Variants in NCKAP5 observed in about 807,000 individuals in gnomAD.
NCKAP5 encodes nck-associated protein 5.
A neutral mutation model predicts 167.0 loss-of-function variants in NCKAP5; 92 were observed. The observed-to-expected ratio is 0.55, with a 90% CI of 0.47 to 0.66. The LOEUF is 0.66. NCKAP5 is among the 30% of genes least tolerant of loss of function. NCKAP5 has a pLI of 0.00. For synonymous variants in NCKAP5, 891 were observed against 877.4 expected (o/e 1.02, Z -0.27); for missense variants, 2,378 against 2,315.0 (o/e 1.03, Z -0.56).
intron 2 of NCKAP5, chr2:133,554,573 T>C (rs1306007079): frequency 6.6e-6 from 1 of 152,138 alleles, no homozygotes; most frequent in Non-Finnish European, 1.5e-5. Context: ...ACTTATACAA[T>C]ATATTTCTCA....
chr2:132,857,935 T>C (rs1387802901), intron 11 of NCKAP5, among the ~76,000 whole-genome samples: 2 of 152,220 alleles, frequency 1.3e-5, no homozygotes, highest in Non-Finnish European at 2.9e-5. Context: ...TCTTATTCTG[T>C]ATTTTTAAGG....
chr2:133,547,804 T>C (rs1346424741), intron 2 of NCKAP5, among the ~76,000 whole-genome samples: 1 of 147,864 alleles, frequency 6.8e-6, no homozygotes, highest in African/African-American at 2.5e-5. Context: ...AACTGGAAAC[T>C]CTAAAACGCA....
intron 3 of NCKAP5, among the ~76,000 whole-genome samples, chr2:133,432,950 T>C (rs925841157): frequency 6.6e-6 from 1 of 152,206 alleles, no homozygotes; most frequent in African/African-American, 2.4e-5. Context: ...GATCTCTCCA[T>C]ATGTTAGATT....
intron 11 of NCKAP5, among the ~76,000 whole-genome samples, chr2:132,853,953 C>G (rs1303684824): frequency 6.6e-6 from 1 of 152,204 alleles, no homozygotes; most frequent in East Asian, 1.9e-4. Context: ...CTGCTCTTCC[C>G]TCCCTTGGAG....
intron 19 of NCKAP5, among the ~76,000 whole-genome samples, chr2:132,675,729 T>G (rs1684355428): frequency 6.6e-6 from 1 of 152,046 alleles, no homozygotes; most frequent in Admixed American, 6.5e-5. Flanking sequence ...AAACACTCAC[T>G]GTCATCAGGT....
upstream of NCKAP5, among the ~76,000 whole-genome samples, chr2:133,571,257 C>T (rs991663461): frequency 1.5e-4 from 23 of 152,000 alleles, no homozygotes; most frequent in African/African-American, 5.6e-4. Flanking sequence ...CTGTTTAATG[C>T]ACTTTTGGAG....
intron 16 of NCKAP5, among the ~76,000 whole-genome samples, chr2:132,768,759 C>A (rs1681751716): frequency 6.6e-6 from 1 of 151,218 alleles, no homozygotes; most frequent in Non-Finnish European, 1.5e-5. Context: ...CCTGCCTCAG[C>A]CTCCCGAGTA....
At chr2:133,537,348 T>C (rs1685841240) in intron 2 of NCKAP5, among the ~76,000 whole-genome samples, 1 of 152,076 alleles carries the variant, frequency 6.6e-6, no homozygotes, top group African/African-American at 2.4e-5. Flanking sequence ...TGCAAAAAAA[T>C]CCAACTGGGA....
intron 6 of NCKAP5, among the ~76,000 whole-genome samples, chr2:133,124,789 T>C (rs1433739140): frequency 6.6e-6 from 1 of 152,234 alleles, no homozygotes; most frequent in African/African-American, 2.4e-5. Flanking sequence ...CCTGGCATGG[T>C]GGTTCACCAG....
intron 8 of NCKAP5, among the ~76,000 whole-genome samples, chr2:132,884,114 C>T (rs1246583551): frequency 1.3e-5 from 2 of 152,206 alleles, no homozygotes; most frequent in African/African-American, 4.8e-5. Context: ...GACCTTGTTG[C>T]TCTGGGGCTG....
intron 6 of NCKAP5, among the ~76,000 whole-genome samples, chr2:133,079,509 T>C (rs985003644): frequency 6.6e-6 from 1 of 152,184 alleles, no homozygotes; most frequent in Non-Finnish European, 1.5e-5. Flanking sequence ...TTTTGCCCAG[T>C]AGAAAGTAAT....
Position 133,499,653 on chromosome 2 carries a change from G to A in NCKAP5, c.69+17805C>T, listed in dbSNP as rs150746550. Among the ~76,000 whole-genome samples, 829 of 152,180 alleles carry A rather than the reference G, an allele frequency of 5.4e-3. 19 individuals are homozygous for A. Among genetic ancestry groups the A allele is most frequent in the Admixed American group, 0.044 (666 of 15,282 alleles). On this transcript the variant is annotated intron_variant, in intron 3 of 19. Coordinates refer to ENST00000409261, the MANE Select transcript of NCKAP5 (RefSeq NM_207363.3). ...TGGCTCACTGCAACCTCAGCCTCCC[G>A]GGTTCAAGTGATTCTCCTGCATCAG... is the stretch of plus-strand genomic sequence containing the variant.
chr2:133,461,121 G>A (rs1692173297), intron 3 of NCKAP5, among the ~76,000 whole-genome samples: 2 of 152,080 alleles, frequency 1.3e-5, no homozygotes, highest in Admixed American at 6.6e-5. Flanking sequence ...GATGGGGCAG[G>A]TGAATAGAGA....
At chr2:133,299,635 CA>C in intron 4 of NCKAP5, among the ~76,000 whole-genome samples, 1 of 152,112 alleles carries the variant, frequency 6.6e-6, no homozygotes, top group East Asian at 1.9e-4. Context: ...CCTGTAATCC[CA>C]GCTACACGGG....
At chr2:133,542,671 T>C (rs1686328292) in intron 2 of NCKAP5, among the ~76,000 whole-genome samples, 1 of 152,214 alleles carries the variant, frequency 6.6e-6, no homozygotes. Flanking sequence ...ACTGTGATCT[T>C]CATCCCATCA....
rs574502858 is a variant in NCKAP5, at chr2:133,165,528, T to G, written c.208-35417A>C. On this transcript the variant is annotated intron_variant, in intron 5 of 19. Coordinates refer to ENST00000409261, the MANE Select transcript of NCKAP5 (RefSeq NM_207363.3). ...TGAAAATGAATGAGCTACAGTTGCG[T>G]GTGTCAAGAGAGGAAAGCACAGAAG... Among the ~76,000 whole-genome samples, 6 of 152,288 alleles carry G rather than the reference T, an allele frequency of 3.9e-5. No individual in the cohort carries two copies. In the South Asian group the frequency reaches 1.0e-3, roughly 26 times the overall value.
intron 7 of NCKAP5, among the ~76,000 whole-genome samples, chr2:132,971,146 A>G (rs1378659414): frequency 6.6e-6 from 1 of 152,200 alleles, no homozygotes; most frequent in Non-Finnish European, 1.5e-5. Context: ...GAAGATAGCT[A>G]TTAATCAAAA....
intron 19 of NCKAP5, among the ~76,000 whole-genome samples, chr2:132,704,394 C>T (rs1006426971): frequency 2.6e-5 from 4 of 152,138 alleles, no homozygotes; most frequent in African/African-American, 9.7e-5. Flanking sequence ...TTGCCACATA[C>T]TATCAGACTC....
At chr2:133,400,924 G>A (rs114887162) in intron 3 of NCKAP5, among the ~76,000 whole-genome samples, 3,248 of 152,200 alleles carry the variant, frequency 0.021, 53 homozygotes, top group Middle Eastern at 0.037. Flanking sequence ...TGAGTGATAC[G>A]AATGAGGGCA....
Sources: allele counts gnomAD v4.1 joint callset (sites outside exome capture counted in the v4.1 genomes callset), GRCh38; gene constraint gnomAD v4.1.1; transcripts MANE v1.5; gene names NCBI Gene and HGNC (gene_info 2026-07-23, HGNC 2026-07-21).